The following SNX29 variants were observed in gnomAD, a reference collection of about 807,000 sequenced individuals.
SNX29 encodes the protein sorting nexin 29, also known as sorting nexin-29.
Under a neutral mutation model 102.1 loss-of-function variants are expected in SNX29, and 78 were observed. The ratio of observed to expected loss-of-function variants is 0.76; its 90% CI spans 0.64 to 0.92. The LOEUF (loss-of-function observed/expected upper bound fraction) is 0.92. Among genes scored for constraint, SNX29 ranks in the 40% least tolerant of loss-of-function variants. The pLI is 0.00. For synonymous variants in SNX29, 580 were observed against 414.5 expected (o/e 1.40, Z -4.85); for missense variants, 1,280 against 1,061.7 (o/e 1.21, Z -2.86).
chr16:12,460,569 T>C (rs1286652000), intron 18 of SNX29, among the ~76,000 whole-genome samples: 2 of 152,062 alleles, frequency 1.3e-5, no homozygotes. Flanking sequence ...CCTCTCCTTC[T>C]GGCCTCCTGT....
At position 12,571,083 on chromosome 16, in the gene SNX29, A is replaced by T. The variant is rs139695864; in HGVS notation, c.*2454A>T. 1 of 232,494 alleles carries T rather than the reference A, an allele frequency of 4.3e-6. No individual in the cohort carries two copies. The highest frequency in any genetic ancestry group is 2.2e-5 in the African/African-American group (1 of 45,350). The allele number at this position is 232,494 out of a possible 1,614,324, so 14.4% of individuals were successfully genotyped here. ...TGCTGGTGGCCCGCACATGACAGCA[A>T]CTCCCCGAAGCCTTCCCTTTGGAAT... On this transcript the variant is annotated 3_prime_UTR_variant, in exon 21 of 21. Coordinates refer to ENST00000566228, the MANE Select transcript of SNX29 (RefSeq NM_032167.5).
chr16:12,382,646 A>G (rs989787367), intron 16 of SNX29, among the ~76,000 whole-genome samples: 1 of 152,228 alleles, frequency 6.6e-6, no homozygotes, highest in Non-Finnish European at 1.5e-5. Context: ...TTAAAACAAC[A>G]TACGTTTATT....
intron 14 of SNX29, among the ~76,000 whole-genome samples, chr16:12,234,945 T>C (rs1197776154): frequency 1.3e-5 from 2 of 150,946 alleles, no homozygotes; most frequent in East Asian, 3.9e-4. Flanking sequence ...TCTCTCTCCT[T>C]TTCACCCATC....
intron 19 of SNX29, among the ~76,000 whole-genome samples, chr16:12,484,279 G>A (rs2088118264): frequency 6.6e-6 from 1 of 152,168 alleles, no homozygotes; most frequent in African/African-American, 2.4e-5. Context: ...CTCCCAAAGT[G>A]CTGGGATTAC....
At chr16:12,066,438 G>T (rs2051040352) in intron 9 of SNX29, among the ~76,000 whole-genome samples, 1 of 152,186 alleles carries the variant, frequency 6.6e-6, no homozygotes, top group African/African-American at 2.4e-5. Flanking sequence ...AGATGGGGTT[G>T]TGAGGGTCAG....
chr16:12,106,896 G>A (rs1010260682), intron 11 of SNX29, among the ~76,000 whole-genome samples: 12 of 151,912 alleles, frequency 7.9e-5, no homozygotes, highest in African/African-American at 2.9e-4. Context: ...GCTCCCTGCT[G>A]CCTTGTACTC....
chr16:12,504,582 T>TA (rs2089287767), intron 19 of SNX29, among the ~76,000 whole-genome samples: 1 of 152,216 alleles, frequency 6.6e-6, no homozygotes, highest in Admixed American at 6.5e-5. Flanking sequence ...TAACCCCCCT[T>TA]ATCCAAGGTT....
Position 12,572,358 on chromosome 16 carries a change from G to T in SNX29, c.*3729G>T, listed in dbSNP as rs1486356072. The T allele has an allele frequency of 6.6e-6, 7 of 1,063,136 alleles. No homozygotes were observed. The highest frequency in any genetic ancestry group is 8.0e-6 in the Non-Finnish European group (7 of 877,844). The allele number at this position is 1,063,136 out of a possible 1,614,324, so 65.9% of individuals were successfully genotyped here. A position where few individuals can be genotyped will look rare whatever the true frequency, so the allele number is the denominator to read the frequency against. On this transcript the variant is annotated 3_prime_UTR_variant, in exon 21 of 21. Transcript: ENST00000566228. ...CAGCCTGCCTGGTTGATGGACAGCA[G>T]GCTCTGCCTTCTGGAGGCGGCTTAT... is the stretch of plus-strand genomic sequence containing the variant.
At chr16:12,445,475 T>C (rs2086008800) in intron 18 of SNX29, among the ~76,000 whole-genome samples, 2 of 152,224 alleles carry the variant, frequency 1.3e-5, no homozygotes, top group Non-Finnish European at 2.9e-5. Flanking sequence ...GGCTCTCTCA[T>C]CCTAGGTGCC....
chr16:12,418,816 T>C (rs1179001344), intron 18 of SNX29, among the ~76,000 whole-genome samples: 1 of 152,154 alleles, frequency 6.6e-6, no homozygotes, highest in Non-Finnish European at 1.5e-5. Context: ...CACCTGGCCA[T>C]GTTTCCAAGT....
chr16:12,403,253 T>G (rs1053627626), intron 17 of SNX29, among the ~76,000 whole-genome samples, 195 bp from the exon 18 acceptor site: 192 of 84,348 alleles, frequency 2.3e-3, no homozygotes, highest in Middle Eastern at 6.0e-3. Context: ...TGTGTGTGTG[T>G]GTAGAGAGAG....
chr16:12,134,797 G>A (rs906471147), intron 13 of SNX29, among the ~76,000 whole-genome samples: 4 of 152,222 alleles, frequency 2.6e-5, no homozygotes, highest in African/African-American at 7.2e-5. Context: ...TCCTGGGGCA[G>A]ATACTACTTG....
chr16:12,003,912 C>T (rs2056373106), intron 3 of SNX29, among the ~76,000 whole-genome samples: 1 of 151,898 alleles, frequency 6.6e-6, no homozygotes, highest in Non-Finnish European at 1.5e-5. Flanking sequence ...GAGGCTGAGG[C>T]AGGAGAATCG....
chr16:12,262,647 A>G (rs955351270), intron 14 of SNX29, among the ~76,000 whole-genome samples: 1 of 152,246 alleles, frequency 6.6e-6, no homozygotes, highest in Non-Finnish European at 1.5e-5. Flanking sequence ...GATAGAAAAC[A>G]AAACCAGTAA....
At chr16:12,307,059 G>A (rs1409548683) in intron 15 of SNX29, among the ~76,000 whole-genome samples, 1 of 152,172 alleles carries the variant, frequency 6.6e-6, no homozygotes, top group Non-Finnish European at 1.5e-5. Context: ...CCTGAATTGG[G>A]CCCCTCTCCT....
At chr16:12,548,929 G>C (rs1485345031) in intron 20 of SNX29, among the ~76,000 whole-genome samples, 2 of 152,222 alleles carry the variant, frequency 1.3e-5, no homozygotes, top group East Asian at 3.9e-4. Context: ...TTCAGTACCT[G>C]CTATGGCCTG....
chr16:12,522,394 C>G (rs2090135470), intron 19 of SNX29, among the ~76,000 whole-genome samples: 1 of 152,166 alleles, frequency 6.6e-6, no homozygotes, highest in Non-Finnish European at 1.5e-5. Context: ...TTTGTGGGAA[C>G]TCTTCTCTTC....
chr16:12,068,957 T>A, intron 9 of SNX29, 100 bp from the exon 10 acceptor site: 1 of 1,103,608 alleles, frequency 9.1e-7, no homozygotes, highest in Non-Finnish European at 1.3e-6. Context: ...CTTAGTCAAG[T>A]GATGTAGCAG....
intron 20 of SNX29, among the ~76,000 whole-genome samples, chr16:12,535,043 A>G (rs1180236122): frequency 6.6e-6 from 1 of 152,182 alleles, no homozygotes; most frequent in East Asian, 1.9e-4. Context: ...TTATAAAACC[A>G]GCTACAAAGC....
Sources: gnomAD v4.1 joint callset for allele counts (sites outside exome capture counted in the v4.1 genomes callset) on GRCh38, gnomAD v4.1.1 for gene constraint, MANE v1.5 for transcripts, NCBI Gene and HGNC (gene_info 2026-07-23, HGNC 2026-07-21) for gene names.